The following PTPN18 variants were observed in gnomAD, a reference collection of about 807,000 sequenced individuals.
The protein encoded by PTPN18 is tyrosine-protein phosphatase non-receptor type 18.
PTPN18 carries 65 observed loss-of-function variants against 65.4 expected under a neutral mutation model. The observed-to-expected ratio is 0.99, with a 90% CI of 0.81 to 1.22. The LOEUF (loss-of-function observed/expected upper bound fraction) is 1.22, where lower values mean the gene tolerates loss of function less well. Ranked by LOEUF, PTPN18 falls within the 50% of genes most tolerant of loss-of-function variation. The pLI, the probability that PTPN18 is intolerant of heterozygous loss-of-function variation, is 0.00. For synonymous variants in PTPN18, 255 were observed against 267.8 expected (o/e 0.95, Z 0.47); for missense variants, 616 against 646.5 (o/e 0.95, Z 0.51).
At chr2:130,359,525 G>A (rs372040739) in intron 4 of PTPN18, 33 bp downstream of exon 4, 5 of 1,613,148 alleles carry the variant, frequency 3.1e-6, no homozygotes, top group African/African-American at 1.3e-5. Flanking sequence ...CAATGGTGGG[G>A]TCAACATCTA....
chr2:130,368,405 T>C (rs974821425), intron 5 of PTPN18, among the ~76,000 whole-genome samples: 2 of 152,238 alleles, frequency 1.3e-5, no homozygotes, highest in African/African-American at 2.4e-5. Flanking sequence ...AATTTAGCCG[T>C]ACTTCTAATG....
At chr2:130,371,963 A>G (rs1359211484) in intron 12 of PTPN18, 3 of 381,074 alleles carry the variant, frequency 7.9e-6, no homozygotes, top group African/African-American at 2.1e-5. Flanking sequence ...CCTGTCTTCT[A>G]TGCCACTTCC....
At chr2:130,372,709 C>T in intron 13 of PTPN18, 164 bp from the exon 14 acceptor site, 2 of 995,540 alleles carry the variant, frequency 2.0e-6, no homozygotes, top group South Asian at 1.6e-5. Context: ...CTTGTCTTGG[C>T]CGCGCCCAAA....
intron 11 of PTPN18, 23 bp from the exon 12 acceptor site, chr2:130,371,176 C>A: frequency 6.4e-7 from 1 of 1,560,356 alleles, no homozygotes; most frequent in Non-Finnish European, 8.8e-7. Flanking sequence ...CCCTCAGGAG[C>A]CTCCCCTCCT....
At chr2:130,357,373 C>T (rs1041343939) in intron 1 of PTPN18, among the ~76,000 whole-genome samples, 2 of 152,090 alleles carry the variant, frequency 1.3e-5, no homozygotes, top group Non-Finnish European at 2.9e-5. Flanking sequence ...ACCATACAAA[C>T]GCATAAACTG....
chr2:130,370,004 CT>C (rs751778097), intron 7 of PTPN18, 43 bp from the exon 8 acceptor site: 3 of 1,603,342 alleles, frequency 1.9e-6, no homozygotes, highest in Non-Finnish European at 1.7e-6. Context: ...ATGCTTTTTT[CT>C]TTTTTTTCCT....
chr2:130,372,199 C>G (rs573790227), intron 12 of PTPN18, 58 bp from the exon 13 acceptor site: 3 of 1,480,052 alleles, frequency 2.0e-6, no homozygotes, highest in Admixed American at 4.0e-5. Context: ...GCAGCCTCCC[C>G]ACTCCCGCCC....
rs1027987853 is a variant in PTPN18, at chr2:130,370,335, C to T, written c.689+145C>T. ...CCTCCATGGACTGTAATTGTGAGCA[C>T]TTGTTCAGCACAGACTCAGCTGGGG... On this transcript the variant is annotated intron_variant, in intron 8 of 14. Coordinates refer to ENST00000175756, the MANE Select transcript of PTPN18 (RefSeq NM_014369.4). The T allele has an allele frequency of 4.7e-6, 6 of 1,288,104 alleles. No homozygotes were observed. In the African/African-American group the frequency reaches 8.8e-5, roughly 19 times the overall value. The allele number at this position is 1,288,104 out of a possible 1,614,324, so 79.8% of individuals were successfully genotyped here. A position where few individuals can be genotyped will look rare whatever the true frequency, so the allele number is the denominator to read the frequency against.
chr2:130,369,683 C>T (rs1680491286), intron 6 of PTPN18, 82 bp from the exon 7 acceptor site: 2 of 1,371,840 alleles, frequency 1.5e-6, no homozygotes, highest in East Asian at 4.7e-5. Context: ...ATCAGGAATG[C>T]TTTGCTTTCT....
rs1463468784 is a variant in PTPN18 at position 130,370,890 on chromosome 2, C to T, written c.850C>T (p.Leu284=). The stretch of plus-strand genomic sequence containing the variant: ...ACCCCAACAGGAGCAGTACAGGTTC[C>T]TGTACCACACGGTGGCTCAGATGTT... ...AVQTEEQYRF[L]YHTVAQMFCS... The change falls in exon 11 of 15, where the codon CTG becomes TTG. Residue 284 remains leucine, a synonymous_variant. Coordinates refer to ENST00000175756, the MANE Select transcript of PTPN18 (RefSeq NM_014369.4). The T allele has an allele frequency of 1.9e-6, 3 of 1,614,060 alleles. No homozygotes were observed. The African/African-American group carries it at 4.0e-5, about 22-fold the overall frequency.
At position 130,356,080 on chromosome 2, in the gene PTPN18, G is replaced by A; in HGVS notation, c.-28G>A. The stretch of plus-strand genomic sequence containing the variant: ...CACACTCGCCGCGCGCGCGGCGGCC[G>A]GGCTGGACCTTGCTGGCCCGCGGCG... On this transcript the variant is annotated 5_prime_UTR_variant, in exon 1 of 15. Coordinates refer to ENST00000175756, the MANE Select transcript of PTPN18 (RefSeq NM_014369.4). The A allele has an allele frequency of 4.0e-6, 5 of 1,257,258 alleles. No homozygotes were observed. Among genetic ancestry groups the A allele is most frequent in the Non-Finnish European group, 5.0e-6 (5 of 1,000,344 alleles). The allele number at this position is 1,257,258 out of a possible 1,614,324, so 77.9% of individuals were successfully genotyped here.
At chr2:130,357,742 G>C (rs1003854178) in intron 1 of PTPN18, among the ~76,000 whole-genome samples, 10 of 151,852 alleles carry the variant, frequency 6.6e-5, no homozygotes, top group Non-Finnish European at 1.2e-4. Flanking sequence ...TGTAGTCCCA[G>C]CTACTCGGGT....
At chr2:130,362,895 C>G (rs1012161264) in intron 5 of PTPN18, among the ~76,000 whole-genome samples, 9 of 152,198 alleles carry the variant, frequency 5.9e-5, no homozygotes, top group African/African-American at 2.2e-4. Flanking sequence ...TCTCAGCTCG[C>G]TGCAACCTCC....
intron 1 of PTPN18, among the ~76,000 whole-genome samples, chr2:130,357,748 C>T (rs1007600554): frequency 6.0e-5 from 9 of 150,162 alleles, no homozygotes; most frequent in Non-Finnish European, 1.2e-4. Flanking sequence ...CCCAGCTACT[C>T]GGGTGGCTGA....
At chr2:130,359,142 G>T (rs1298603884) in intron 2 of PTPN18, 91 bp from the exon 3 acceptor site, 2 of 1,526,778 alleles carry the variant, frequency 1.3e-6, no homozygotes, top group Non-Finnish European at 1.8e-6. Flanking sequence ...CATGTGTGTG[G>T]TCCCCTGCTG....
chr2:130,366,727 G>A (rs1050241875), intron 5 of PTPN18, among the ~76,000 whole-genome samples: 1 of 152,150 alleles, frequency 6.6e-6, no homozygotes, highest in Non-Finnish European at 1.5e-5. Flanking sequence ...TGTTTAAAAT[G>A]AAATATCTTT....
At chr2:130,371,427 C>A in intron 12 of PTPN18, 140 bp downstream of exon 12, 1 of 706,894 alleles carries the variant, frequency 1.4e-6, no homozygotes, top group Non-Finnish European at 2.3e-6. Context: ...TCTGGGAACC[C>A]ACCCCAAGAT....
chr2:130,362,863 A>T (rs1680263003), intron 5 of PTPN18, among the ~76,000 whole-genome samples: 1 of 152,080 alleles, frequency 6.6e-6, no homozygotes, highest in African/African-American at 2.4e-5. Flanking sequence ...TCTGTCCTCC[A>T]GGCTGGAGTG....
chr2:130,361,263 C>T (rs1680181389), intron 5 of PTPN18, among the ~76,000 whole-genome samples: 1 of 152,142 alleles, frequency 6.6e-6, no homozygotes, highest in South Asian at 2.1e-4. Flanking sequence ...AGTCTTATTT[C>T]TGACAATTTT....
Sources: allele counts gnomAD v4.1 joint callset (sites outside exome capture counted in the v4.1 genomes callset), GRCh38; gene constraint gnomAD v4.1.1; transcripts MANE v1.5; gene names NCBI Gene and HGNC (gene_info 2026-07-23, HGNC 2026-07-21).